Variants in UNC45B observed in about 807,000 individuals in gnomAD.
UNC45B encodes protein unc-45 homolog B.
In UNC45B, 78 loss-of-function variants were observed where a neutral mutation model predicts 98.7. The ratio of observed to expected loss-of-function variants is 0.79; its 90% CI spans 0.66 to 0.95. The LOEUF (loss-of-function observed/expected upper bound fraction) is 0.95, where lower values mean the gene tolerates loss of function less well. UNC45B is among the 40% of genes least tolerant of loss of function. UNC45B has a pLI of 0.00. For synonymous variants in UNC45B, 462 were observed against 480.4 expected, an observed-to-expected ratio of 0.96 and a Z score of 0.50; for missense variants, 1,225 against 1,184.9, an observed-to-expected ratio of 1.03 and a Z score of -0.50.
At chr17:35,170,282 C>T (rs774439513) in intron 12 of UNC45B, 27 bp downstream of exon 12, 1 of 1,578,920 alleles carries the variant, frequency 6.3e-7, no homozygotes, top group South Asian at 1.1e-5. Context: ...CTGGCCCGAC[C>T]ACAAACCTCA....
rs758562415 is a variant in UNC45B, at chr17:35,152,897, G to T, written c.386G>T (p.Arg129Leu). ...CACTCCCTCCTCTCTCCTCAGCTCC[G>T]AGTGCAGTTCTCCACAGACTCGAGG... The part of the protein sequence containing the change: ...RLNTSIQEKL[R>L]VQFSTDSRVQ... Residue 129 changes from arginine to leucine, a missense_variant, in exon 5 of 20, where the codon CGA (arginine) becomes CTA (leucine). Arg to Leu is a moderately radical substitution (Grantham distance 102). Coordinates refer to ENST00000394570, the MANE Select transcript of UNC45B (RefSeq NM_001267052.2). The T allele has an allele frequency of 1.9e-6, 3 of 1,614,014 alleles. No homozygotes were observed. The highest frequency in any genetic ancestry group is 2.5e-6 in the Non-Finnish European group (3 of 1,179,940).
At position 35,183,430 on chromosome 17, in the gene UNC45B, C is replaced by T; in HGVS notation, c.2377C>T (p.Gln793Ter). The T allele has an allele frequency of 6.4e-7, 1 of 1,570,630 alleles. No individual in the cohort carries two copies. ...GCCATGTTCCTGCCTCCCACAGGTA[C>T]AGGAAAGGTTCTTGGCTGACGGGAA... Reference protein sequence around the residue: ...MCNMVLHKEVQERFLADGNDR... With the variant: ...MCNMVLHKEV The change falls in exon 19 of 20, where the codon CAG becomes TAG. Residue 793 changes from glutamine (Q) to a stop codon, truncating the protein, a stop_gained. Transcript: ENST00000394570. LOFTEE classifies it high-confidence loss of function.
intron 17 of UNC45B, among the ~76,000 whole-genome samples, chr17:35,179,295 G>A (rs905297303): frequency 6.6e-6 from 1 of 152,092 alleles, no homozygotes. Context: ...GGATTCCTAG[G>A]TATTTTATTC....
intron 14 of UNC45B, among the ~76,000 whole-genome samples, chr17:35,175,085 A>AG (rs2092222050): frequency 2.1e-5 from 2 of 97,338 alleles, no homozygotes; most frequent in Non-Finnish European, 3.9e-5. Context: ...GAAAGAAAGA[A>AG]AGAGAAAGAA....
intron 5 of UNC45B, among the ~76,000 whole-genome samples, chr17:35,153,908 T>A (rs1164022691): frequency 1.3e-5 from 2 of 152,242 alleles, no homozygotes; most frequent in East Asian, 3.9e-4. Context: ...ACCTGGAGCC[T>A]TTTATTTTAA....
chr17:35,178,316 G>T (rs2092250334), intron 17 of UNC45B, among the ~76,000 whole-genome samples: 1 of 152,184 alleles, frequency 6.6e-6, no homozygotes, highest in South Asian at 2.1e-4. Flanking sequence ...TTTTTCATGT[G>T]TCTGTTGGCT....
At chr17:35,172,810 C>T (rs898761849) in intron 13 of UNC45B, among the ~76,000 whole-genome samples, 10 of 152,198 alleles carry the variant, frequency 6.6e-5, no homozygotes, top group African/African-American at 2.4e-4. Flanking sequence ...TACCTCCACT[C>T]CCACCTCAGC....
Position 35,171,259 on chromosome 17 carries a change from A to G in UNC45B, c.1690-63A>G, listed in dbSNP as rs1460243642. 2.5e-6 allele frequency: 4 copies of G among 1,585,052 alleles called. No homozygotes were observed. In the African/African-American group the frequency reaches 5.4e-5, roughly 21 times the overall value. ...CCGGCCACGTGAGGGAGCATCCTGG[A>G]AGCAGAGGTTTGTCCTAAAGTTTCC... On this transcript the variant is annotated intron_variant, in intron 12 of 19. Transcript: ENST00000394570.
At chr17:35,168,590 T>G (rs1020916781) in intron 10 of UNC45B, among the ~76,000 whole-genome samples, 6 of 152,224 alleles carry the variant, frequency 3.9e-5, no homozygotes, top group Admixed American at 3.9e-4. Flanking sequence ...TTCGTCTCCC[T>G]GCTTATGAAC....
intron 14 of UNC45B, among the ~76,000 whole-genome samples, chr17:35,174,663 A>T (rs1234686834): frequency 3.9e-5 from 6 of 152,036 alleles, no homozygotes; most frequent in Non-Finnish European, 8.8e-5. Flanking sequence ...GTACAAAAAA[A>T]TTTTAAATTA....
At chr17:35,174,459 G>A (rs2092212733) in intron 14 of UNC45B, 90 bp downstream of exon 14, 11 of 1,552,462 alleles carry the variant, frequency 7.1e-6, no homozygotes, top group Non-Finnish European at 9.7e-6. Context: ...TAGAAATGGT[G>A]GGGGCCTAAA....
chr17:35,160,553 C>T (rs1347757474), intron 8 of UNC45B, among the ~76,000 whole-genome samples: 3 of 152,164 alleles, frequency 2.0e-5, no homozygotes, highest in Non-Finnish European at 4.4e-5. Flanking sequence ...TCTTCCTACC[C>T]CTCAGCCTCC....
At chr17:35,148,173 G>C (rs1053461072) in intron 1 of UNC45B, 91 bp from the exon 2 acceptor site, 1 of 1,441,856 alleles carries the variant, frequency 6.9e-7, no homozygotes, top group Non-Finnish European at 9.5e-7. Flanking sequence ...CTGGTGTGAG[G>C]GGACCCTGGA....
chr17:35,148,051 G>C (rs1476368845), intron 1 of UNC45B, 141 bp downstream of exon 1: 1 of 573,116 alleles, frequency 1.7e-6, no homozygotes, highest in Non-Finnish European at 3.1e-6. Flanking sequence ...TGAGGCACAG[G>C]GACTCTCAAC....
intron 9 of UNC45B, among the ~76,000 whole-genome samples, chr17:35,165,988 T>C (rs902523662): frequency 6.8e-6 from 1 of 147,414 alleles, no homozygotes; most frequent in African/African-American, 2.5e-5. Flanking sequence ...TGGTGGCTCA[T>C]GCCTGTAATC....
At chr17:35,178,757 G>A (rs1051140817) in intron 17 of UNC45B, among the ~76,000 whole-genome samples, 5 of 152,134 alleles carry the variant, frequency 3.3e-5, no homozygotes, top group African/African-American at 1.2e-4. Flanking sequence ...TTCTACATAT[G>A]GCTAGCTAGT....
At chr17:35,176,591 A>G (rs2092235434) in intron 15 of UNC45B, among the ~76,000 whole-genome samples, 1 of 152,090 alleles carries the variant, frequency 6.6e-6, no homozygotes, top group Non-Finnish European at 1.5e-5. Flanking sequence ...GAGGCAGGAG[A>G]CTTGCTTGAA....
rs922799007 is a variant in UNC45B at position 35,176,102 on chromosome 17, T to C, written c.2025+68T>C. The stretch of plus-strand genomic sequence containing the variant: ...CTCTTTGCCTAGCGCAAGAATTATG[T>C]ACCCTCTGCCCCAACTCGACCTCCT... On this transcript the variant is annotated intron_variant, in intron 15 of 19. Transcript: ENST00000394570. 7.3e-6 allele frequency: 11 copies of C among 1,505,938 alleles called. No homozygotes were observed. The African/African-American group carries it at 1.4e-4, about 19-fold the overall frequency. 93.3% of individuals were successfully genotyped at this position (1,505,938 alleles called of 1,614,324 possible). A position where few individuals can be genotyped will look rare whatever the true frequency, so the allele number is the denominator to read the frequency against.
intron 12 of UNC45B, among the ~76,000 whole-genome samples, chr17:35,170,994 C>A (rs1286820963): frequency 1.3e-5 from 2 of 152,088 alleles, no homozygotes; most frequent in Admixed American, 6.6e-5. Context: ...TTCACCAGGA[C>A]CGGAAAATGT....
Sources: allele counts gnomAD v4.1 joint callset (sites outside exome capture counted in the v4.1 genomes callset), GRCh38; gene constraint gnomAD v4.1.1; transcripts MANE v1.5; gene names NCBI Gene and HGNC (gene_info 2026-07-23, HGNC 2026-07-21).